The following FAM13A variants were observed in gnomAD, a reference collection of about 807,000 sequenced individuals.
FAM13A encodes protein FAM13A.
A neutral mutation model predicts 129.6 loss-of-function variants in FAM13A; 76 were observed. That is an observed-to-expected ratio of 0.59 (90% CI 0.49 to 0.71). The LOEUF (loss-of-function observed/expected upper bound fraction) is 0.71, where lower values mean the gene tolerates loss of function less well. Ranked by LOEUF, FAM13A falls within the 30% of genes least tolerant of loss-of-function variation. The pLI is 0.00. For synonymous variants in FAM13A, 443 were observed against 449.9 expected (o/e 0.98, Z 0.20); for missense variants, 1,108 against 1,249.3 (o/e 0.89, Z 1.70).
chr4:88,840,413 T>A (rs574274231), intron 7 of FAM13A, among the ~76,000 whole-genome samples: 2 of 152,314 alleles, frequency 1.3e-5, no homozygotes, highest in South Asian at 4.1e-4. Flanking sequence ...TGTTGAGAGT[T>A]ATTTATTGCA....
chr4:88,829,904 T>C lies in FAM13A; in HGVS notation c.1007+21116A>G, dbSNP rs907947849. Among the ~76,000 whole-genome samples, 4 of 152,346 alleles carry C rather than the reference T, an allele frequency of 2.6e-5. No individual in the cohort carries two copies. The East Asian group carries it at 5.8e-4, about 22-fold the overall frequency. On this transcript the variant is annotated intron_variant, in intron 7 of 23. Transcript: ENST00000264344. ...GCCAGTGTCCATACCTTTTCCACCA[T>C]TCAATAGCCCCTCAAGATAATAAAG...
At chr4:88,828,125 A>G (rs1260772020) in intron 7 of FAM13A, among the ~76,000 whole-genome samples, 1 of 152,072 alleles carries the variant, frequency 6.6e-6, no homozygotes, top group Admixed American at 6.6e-5. Context: ...AGGCTAATTG[A>G]AAGAAATGTT....
Position 88,885,117 on chromosome 4 carries a change from C to G in FAM13A, c.843+21262G>C, listed in dbSNP as rs546046116. ...ATTCAATGTAATTCCCATCAAAATA[C>G]CACCAATTGTTCTTAACAGAACCAG... is the stretch of plus-strand genomic sequence containing the variant. On this transcript the variant is annotated intron_variant, in intron 6 of 23. Coordinates refer to ENST00000264344, the MANE Select transcript of FAM13A (RefSeq NM_014883.4). 2.6e-5 allele frequency among the ~76,000 whole-genome samples: 4 copies of G among 152,124 alleles called. No homozygotes were observed. In the South Asian group the frequency reaches 8.3e-4, roughly 32 times the overall value.
intron 8 of FAM13A, among the ~76,000 whole-genome samples, chr4:88,793,662 T>A (rs1481371197): frequency 6.6e-6 from 1 of 151,882 alleles, no homozygotes; most frequent in Non-Finnish European, 1.5e-5. Context: ...ACATAGAAAA[T>A]GAAAGGTCTG....
rs3017895 is a variant in FAM13A at position 88,728,340 on chromosome 4, A to G, written c.*193T>C. The G allele has an allele frequency of 0.16, 101,434 of 644,598 alleles. 10,674 individuals carry two copies. Among genetic ancestry groups the G allele is most frequent in the African/African-American group, 0.34 (18,526 of 54,700 alleles). The allele number at this position is 644,598 out of a possible 1,614,324, so 39.9% of individuals were successfully genotyped here. On this transcript the variant is annotated 3_prime_UTR_variant, in exon 24 of 24. Coordinates refer to ENST00000264344, the MANE Select transcript of FAM13A (RefSeq NM_014883.4). Reference sequence around the variant, plus strand: ...TTTCCAATTACAAAATGCCTAAGTCAGGTCACATTGTCTTCTTCCAGCCAG... The same window carrying G: ...TTTCCAATTACAAAATGCCTAAGTCGGGTCACATTGTCTTCTTCCAGCCAG...
chr4:88,823,055 A>C (rs1050081372), intron 7 of FAM13A: 1 of 1,611,822 alleles, frequency 6.2e-7, no homozygotes, highest in South Asian at 1.1e-5. Context: ...TTCCACGGCA[A>C]GTTTGGTCGT....
chr4:88,947,635 A>C (rs1756152739), intron 4 of FAM13A, among the ~76,000 whole-genome samples: 1 of 151,734 alleles, frequency 6.6e-6, no homozygotes, highest in Non-Finnish European at 1.5e-5. Flanking sequence ...TAACTTTGAA[A>C]CTACCAATCC....
intron 1 of FAM13A, among the ~76,000 whole-genome samples, chr4:89,038,785 C>G (rs1233436223): frequency 6.6e-6 from 1 of 151,960 alleles, no homozygotes; most frequent in Non-Finnish European, 1.5e-5. Flanking sequence ...ACCATTTTTT[C>G]TCACAAATCA....
At chr4:88,756,058 T>C (rs1331889913) in intron 14 of FAM13A, among the ~76,000 whole-genome samples, 2 of 152,236 alleles carry the variant, frequency 1.3e-5, no homozygotes, top group Non-Finnish European at 2.9e-5. Context: ...ATCAACATAA[T>C]TGACTGCTTG....
At chr4:88,823,422 G>T in intron 7 of FAM13A, 1 of 756,754 alleles carries the variant, frequency 1.3e-6, no homozygotes, top group Non-Finnish European at 1.6e-6. Context: ...TCCTCAGTGG[G>T]CTTGCCTAGT....
Position 88,781,265 on chromosome 4 carries a change from T to G in FAM13A, c.1358A>C (p.His453Pro), listed in dbSNP as rs199797674. The change falls in exon 11 of 24, where the codon CAC becomes CCC. Residue 453 changes from histidine to proline, a missense_variant. Physicochemically the swap from His to Pro is moderately conservative, Grantham distance 77. Transcript: ENST00000264344. ...ILNTQEVEKV[H>P]KNTFGCAGER... is the part of the protein sequence containing the mutation. ...TCCAGCACAACCAAAAGTATTTTTG[T>G]GTACCTTTTCGACTTCCTGAGTATT... 33 of 1,613,060 alleles carry G rather than the reference T, an allele frequency of 2.0e-5. No individual in the cohort carries two copies. In the South Asian group the frequency reaches 3.0e-4, roughly 15 times the overall value.
intron 7 of FAM13A, among the ~76,000 whole-genome samples, chr4:88,841,711 G>A (rs900672372): frequency 6.6e-6 from 1 of 152,076 alleles, no homozygotes; most frequent in Non-Finnish European, 1.5e-5. Context: ...AAAACACAAT[G>A]AGACATCGCT....
chr4:88,738,928 C>A, intron 20 of FAM13A, 102 bp downstream of exon 20: 2 of 760,530 alleles, frequency 2.6e-6, no homozygotes, highest in Non-Finnish European at 4.7e-6. Flanking sequence ...GCAATTAAAG[C>A]CTATTCTTTA....
chr4:88,783,965 C>T (rs1446750493), intron 10 of FAM13A, among the ~76,000 whole-genome samples: 1 of 152,068 alleles, frequency 6.6e-6, no homozygotes, highest in Non-Finnish European at 1.5e-5. Context: ...TTAAGCCACC[C>T]AGTCGGTGGT....
At chr4:88,947,067 T>C (rs1448699757) in intron 4 of FAM13A, among the ~76,000 whole-genome samples, 1 of 152,118 alleles carries the variant, frequency 6.6e-6, no homozygotes, top group African/African-American at 2.4e-5. Context: ...GCCATTGTTT[T>C]GGACTAAGCA....
chr4:88,787,253 T>G (rs1287893008), intron 10 of FAM13A, among the ~76,000 whole-genome samples: 2 of 152,196 alleles, frequency 1.3e-5, no homozygotes, highest in Non-Finnish European at 2.9e-5. Flanking sequence ...TTTCATTTTT[T>G]GAGTAGATTT....
chr4:88,852,795 T>A (rs1737828447), intron 6 of FAM13A, among the ~76,000 whole-genome samples: 1 of 152,156 alleles, frequency 6.6e-6, no homozygotes, highest in Admixed American at 6.6e-5. Flanking sequence ...GGATAGTTAA[T>A]AAAACAGATA....
chr4:88,808,229 T>G (rs1728969097), intron 7 of FAM13A, among the ~76,000 whole-genome samples: 1 of 152,168 alleles, frequency 6.6e-6, no homozygotes. Flanking sequence ...TTAAGCCAAC[T>G]AATTTTAGAA....
intron 4 of FAM13A, among the ~76,000 whole-genome samples, chr4:88,987,358 A>C (rs935734235): frequency 1.3e-5 from 2 of 152,176 alleles, no homozygotes; most frequent in African/African-American, 4.8e-5. Flanking sequence ...CATTTGCATG[A>C]TGCCCAAGTA....
Sources: allele counts gnomAD v4.1 joint callset (sites outside exome capture counted in the v4.1 genomes callset), GRCh38; gene constraint gnomAD v4.1.1; transcripts MANE v1.5; gene names NCBI Gene and HGNC (gene_info 2026-07-23, HGNC 2026-07-21).